Variants in PDCD6IP observed in about 807,000 individuals in gnomAD.
PDCD6IP encodes the protein programmed cell death 6-interacting protein.
In PDCD6IP, 43 loss-of-function variants were observed where a neutral mutation model predicts 103.7. The ratio of observed to expected loss-of-function variants is 0.41; its 90% CI spans 0.32 to 0.53. PDCD6IP has a LOEUF of 0.53. Ranked by LOEUF, PDCD6IP falls within the 20% of genes least tolerant of loss-of-function variation. PDCD6IP has a pLI of 0.16. For synonymous variants in PDCD6IP, 354 were observed against 378.7 expected, an observed-to-expected ratio of 0.93 and a Z score of 0.76; for missense variants, 871 against 1,036.7, an observed-to-expected ratio of 0.84 and a Z score of 2.20.
intron 4 of PDCD6IP, among the ~76,000 whole-genome samples, chr3:33,822,377 C>G (rs1371757316): frequency 6.6e-6 from 1 of 151,968 alleles, no homozygotes; most frequent in Non-Finnish European, 1.5e-5. Context: ...TCATCTCAGG[C>G]ATTTAGGGTA....
At chr3:33,857,065 G>C (rs1697845345) in intron 15 of PDCD6IP, among the ~76,000 whole-genome samples, 1 of 152,070 alleles carries the variant, frequency 6.6e-6, no homozygotes, top group Admixed American at 6.6e-5. Context: ...GTTCATGAGA[G>C]AAGTTATTTT....
chr3:33,800,820 T>A (rs1339205294), intron 1 of PDCD6IP, among the ~76,000 whole-genome samples: 1 of 152,138 alleles, frequency 6.6e-6, no homozygotes, highest in Non-Finnish European at 1.5e-5. Flanking sequence ...GCCCTCAGAT[T>A]TGGGGTCTTC....
intron 15 of PDCD6IP, among the ~76,000 whole-genome samples, chr3:33,859,303 T>C (rs1207201623): frequency 6.6e-6 from 1 of 151,950 alleles, no homozygotes; most frequent in African/African-American, 2.4e-5. Flanking sequence ...GTAATAAAGC[T>C]GGGATGAGCA....
At chr3:33,799,182 G>T in intron 1 of PDCD6IP, 1 of 560,254 alleles carries the variant, frequency 1.8e-6, no homozygotes, top group South Asian at 2.5e-5. Context: ...GGGCTCCGTG[G>T]ATCAGATACC....
intron 7 of PDCD6IP, among the ~76,000 whole-genome samples, chr3:33,834,305 T>A (rs2125561667): frequency 6.6e-6 from 1 of 152,336 alleles, no homozygotes; most frequent in East Asian, 1.9e-4. Context: ...CTTAAAGTAA[T>A]TTTAACTTAG....
chr3:33,843,827 A>T (rs558436891), intron 10 of PDCD6IP, among the ~76,000 whole-genome samples: 1 of 149,608 alleles, frequency 6.7e-6, no homozygotes, highest in Non-Finnish European at 1.5e-5. Flanking sequence ...TAATCTTAAA[A>T]CTTTCTTTAA....
intron 11 of PDCD6IP, among the ~76,000 whole-genome samples, chr3:33,845,153 A>C (rs777994096): frequency 6.6e-6 from 1 of 152,116 alleles, no homozygotes; most frequent in South Asian, 2.1e-4. Flanking sequence ...GAAAAGATTA[A>C]TATTAATTAA....
intron 9 of PDCD6IP, 56 bp downstream of exon 9, chr3:33,838,383 T>A: frequency 6.9e-7 from 1 of 1,445,474 alleles, no homozygotes; most frequent in Non-Finnish European, 9.6e-7. Flanking sequence ...TTCTTTAGTT[T>A]ATGAACATTT....
At chr3:33,811,543 T>A (rs1341391489) in intron 1 of PDCD6IP, among the ~76,000 whole-genome samples, 1 of 152,206 alleles carries the variant, frequency 6.6e-6, no homozygotes, top group Non-Finnish European at 1.5e-5. Flanking sequence ...TCATTCTGGC[T>A]GCTATGCAGA....
At chr3:33,815,342 A>G (rs1292692824) in intron 3 of PDCD6IP, among the ~76,000 whole-genome samples, 1 of 152,086 alleles carries the variant, frequency 6.6e-6, no homozygotes, top group Non-Finnish European at 1.5e-5. Context: ...GTGCATGTTT[A>G]TTGGGCATTT....
At chr3:33,846,056 TGACAG>T (rs1475518579) in intron 12 of PDCD6IP, among the ~76,000 whole-genome samples, 2 of 152,162 alleles carry the variant, frequency 1.3e-5, no homozygotes, top group East Asian at 3.9e-4. Flanking sequence ...TTTCTACTGA[TGACAG>T]GAAAGAGAAA....
intron 5 of PDCD6IP, 90 bp downstream of exon 5, chr3:33,825,430 T>G: frequency 8.7e-7 from 1 of 1,155,982 alleles, no homozygotes. Flanking sequence ...ATGTTCAATG[T>G]CGAGCTGTCC....
intron 14 of PDCD6IP, among the ~76,000 whole-genome samples, chr3:33,854,232 T>A (rs561171933): frequency 1.3e-5 from 2 of 152,360 alleles, no homozygotes; most frequent in East Asian, 3.8e-4. Context: ...ATATTTCAAC[T>A]GGCAGAAAAG....
In PDCD6IP at chr3:33,813,544, T is replaced by C. The variant is rs1696763854; in HGVS notation, c.265-15T>C. 1.3e-6 allele frequency: 2 copies of C among 1,546,894 alleles called. No individual in the cohort carries two copies. The highest frequency in any genetic ancestry group is 8.8e-7 in the Non-Finnish European group (1 of 1,132,990). ...GAAGGTTACCTAATTTTCTGTTTTC[T>C]TTCATTCTATCCAGATCTGCTTGAC... On this transcript the variant is annotated splice_polypyrimidine_tract_variant and intron_variant, in intron 2 of 17. Coordinates refer to ENST00000307296, the MANE Select transcript of PDCD6IP (RefSeq NM_013374.6).
chr3:33,852,357 A>G lies in PDCD6IP; in HGVS notation c.1642-131A>G, dbSNP rs1697732816. The G allele has an allele frequency of 6.4e-6, 9 of 1,399,620 alleles. No individual in the cohort carries two copies. In the South Asian group the frequency reaches 1.1e-4, roughly 17 times the overall value. The allele number at this position is 1,399,620 out of a possible 1,614,324, so 86.7% of individuals were successfully genotyped here. On this transcript the variant is annotated intron_variant, in intron 12 of 17. Transcript: ENST00000307296. ...TCTATCTATATAAACCTGACGTTCAATTTATATTTGGCTCTCTGAGAAATC... is the reference window on the plus strand; with the variant it reads ...TCTATCTATATAAACCTGACGTTCAGTTTATATTTGGCTCTCTGAGAAATC...
intron 1 of PDCD6IP, 130 bp from the exon 2 acceptor site, chr3:33,811,942 C>A (rs949842321): frequency 5.6e-5 from 72 of 1,286,756 alleles, no homozygotes; most frequent in Non-Finnish European, 6.3e-5. Context: ...TATTAAAAAA[C>A]TTTTTTTCAT....
Position 33,855,192 on chromosome 3 carries a change from G to T in PDCD6IP, c.2052G>T (p.Leu684=). The part of the protein sequence containing the change: ...TKFYNELTEI[L]VRFQNKCSDI... ...TTTACAATGAGTTGACTGAAATCCT[G>T]GTCAGGTTCCAGAACAAATGCAGTG... The change falls in exon 15 of 18, where the codon CTG becomes CTT. Residue 684 remains leucine (L), a synonymous_variant. Coordinates refer to ENST00000307296, the MANE Select transcript of PDCD6IP (RefSeq NM_013374.6). The T allele has an allele frequency of 6.2e-7, 1 of 1,610,118 alleles. No individual in the cohort carries two copies.
intron 1 of PDCD6IP, among the ~76,000 whole-genome samples, chr3:33,805,966 C>G (rs572473812): frequency 4.0e-5 from 6 of 151,240 alleles, no homozygotes; most frequent in Non-Finnish European, 7.4e-5. Flanking sequence ...AGGATGGTGT[C>G]GATCTCCTGA....
At chr3:33,819,645 T>G (rs537134659) in intron 3 of PDCD6IP, among the ~76,000 whole-genome samples, 1 of 152,222 alleles carries the variant, frequency 6.6e-6, no homozygotes, top group Non-Finnish European at 1.5e-5. Flanking sequence ...CTTTACTTTA[T>G]GGTACAACTC....
Sources: gnomAD v4.1 joint callset for allele counts (sites outside exome capture counted in the v4.1 genomes callset) on GRCh38, gnomAD v4.1.1 for gene constraint, MANE v1.5 for transcripts, NCBI Gene and HGNC (gene_info 2026-07-23, HGNC 2026-07-21) for gene names.